PTPRT: variants seen among roughly 807,000 people sequenced by gnomAD.
PTPRT encodes the protein receptor-type tyrosine-protein phosphatase T.
PTPRT carries 56 observed loss-of-function variants against 176.8 expected under a neutral mutation model. The ratio of observed to expected loss-of-function variants is 0.32; its 90% confidence interval spans 0.26 to 0.40. PTPRT has a LOEUF of 0.40. Ranked by LOEUF, PTPRT falls within the 10% of genes least tolerant of loss-of-function variation. The probability of loss-of-function intolerance (pLI) is 1.00; values close to 1 mark genes in which losing one functional copy is unlikely to be tolerated. For synonymous variants in PTPRT, 783 were observed against 739.0 expected, an observed-to-expected ratio of 1.06 and a Z score of -0.96; for missense variants, 1,540 against 1,908.2, an observed-to-expected ratio of 0.81 and a Z score of 3.60.
intron 16 of PTPRT, among the ~76,000 whole-genome samples, chr20:42,195,467 C>T (rs1055127688): frequency 6.6e-6 from 1 of 151,908 alleles, no homozygotes; most frequent in Non-Finnish European, 1.5e-5. Flanking sequence ...CCAGTGTAAG[C>T]ATTACTTACA....
chr20:43,073,242 A>G (rs1319697603), intron 1 of PTPRT, among the ~76,000 whole-genome samples: 2 of 152,250 alleles, frequency 1.3e-5, no homozygotes, highest in African/African-American at 4.8e-5. Context: ...TGTTAAATAT[A>G]CAATGGATGT....
At chr20:42,054,928 A>G in the PTPRT span, among the ~76,000 whole-genome samples, 119 of 152,264 alleles carry the variant, frequency 7.8e-4, no homozygotes, top group African/African-American at 2.8e-3. Context: ...CTGACCCCCT[A>G]CTGAGGCCAC....
the PTPRT span, among the ~76,000 whole-genome samples, chr20:42,046,778 A>AGTGAGTGTGT: frequency 6.6e-6 from 1 of 150,812 alleles, no homozygotes; most frequent in East Asian, 2.0e-4. Flanking sequence ...TTGTCATGTG[A>AGTGAGTGTGT]GTGTGTGTGT....
chr20:42,815,854 T>A lies in PTPRT; in HGVS notation c.215-24388A>T, dbSNP rs140427613. ...TCAAAAATTGTATACCCAGCAAAAC[T>A]ATCAAATAAATTAGACCCAGACATT... On this transcript the variant is annotated intron_variant, in intron 2 of 30. Transcript: ENST00000373187. Among the ~76,000 whole-genome samples, 205 of 152,320 alleles carry A rather than the reference T, an allele frequency of 1.3e-3. 2 individuals are homozygous for A. The highest frequency in any genetic ancestry group is 4.7e-3 in the African/African-American group (195 of 41,568).
intron 17 of PTPRT, among the ~76,000 whole-genome samples, chr20:42,147,632 C>T (rs1158027291): frequency 6.6e-6 from 1 of 152,244 alleles, no homozygotes; most frequent in Non-Finnish European, 1.5e-5. Flanking sequence ...AACACCATGC[C>T]TTCCAGGAGA....
intron 9 of PTPRT, among the ~76,000 whole-genome samples, chr20:42,397,298 T>C (rs1230740893): frequency 2.0e-5 from 3 of 152,242 alleles, no homozygotes; most frequent in Non-Finnish European, 1.5e-5. Context: ...GATATGTAAT[T>C]TTTTTGTCAA....
chr20:43,054,485 T>C (rs1204490989), intron 1 of PTPRT, among the ~76,000 whole-genome samples: 1 of 150,088 alleles, frequency 6.7e-6, no homozygotes, highest in East Asian at 2.0e-4. Context: ...GCCCAGAACG[T>C]CAAGGCGGCA....
At chr20:42,097,399 C>T (rs1399815372) in intron 27 of PTPRT, among the ~76,000 whole-genome samples, 1 of 152,210 alleles carries the variant, frequency 6.6e-6, no homozygotes, top group Non-Finnish European at 1.5e-5. Context: ...GCCTGAAATG[C>T]CTTTTCCCAG....
At chr20:42,707,276 G>T (rs1012734877) in intron 6 of PTPRT, among the ~76,000 whole-genome samples, 6 of 152,110 alleles carry the variant, frequency 3.9e-5, no homozygotes, top group Non-Finnish European at 8.8e-5. Flanking sequence ...GTAGAATTCT[G>T]TTGGCTCTTA....
chr20:43,104,692 G>T (rs1220252259), intron 1 of PTPRT, among the ~76,000 whole-genome samples: 1 of 152,332 alleles, frequency 6.6e-6, no homozygotes, highest in Middle Eastern at 3.4e-3. Flanking sequence ...CAGTTGCACA[G>T]TGTCAGTGAG....
chr20:42,818,222 G>A (rs1036359480), intron 2 of PTPRT, among the ~76,000 whole-genome samples: 1 of 152,072 alleles, frequency 6.6e-6, no homozygotes, highest in Admixed American at 6.6e-5. Flanking sequence ...AGGCACAGGA[G>A]CAAATCAGAT....
At chr20:42,513,993 C>T (rs1048377553) in intron 7 of PTPRT, among the ~76,000 whole-genome samples, 1 of 151,990 alleles carries the variant, frequency 6.6e-6, no homozygotes, top group Non-Finnish European at 1.5e-5. Flanking sequence ...GTGTAGTAGC[C>T]CCATTGAGCG....
chr20:42,353,803 A>G (rs946189810), intron 9 of PTPRT, among the ~76,000 whole-genome samples: 1 of 152,176 alleles, frequency 6.6e-6, no homozygotes, highest in East Asian at 1.9e-4. Context: ...AATCCCAGCA[A>G]TTTAGGAGGC....
chr20:42,613,852 T>C (rs987423898), intron 7 of PTPRT, among the ~76,000 whole-genome samples: 2 of 152,148 alleles, frequency 1.3e-5, no homozygotes, highest in Non-Finnish European at 2.9e-5. Flanking sequence ...ATAATACTTT[T>C]AGAATGTGCT....
intron 15 of PTPRT, among the ~76,000 whole-genome samples, chr20:42,235,437 T>G (rs1380408142): frequency 1.3e-5 from 2 of 152,064 alleles, no homozygotes; most frequent in Non-Finnish European, 2.9e-5. Context: ...ATTTTTGTAT[T>G]TTTAGTAGAG....
intron 2 of PTPRT, among the ~76,000 whole-genome samples, chr20:42,830,046 G>A (rs893312872): frequency 2.0e-5 from 3 of 152,158 alleles, no homozygotes; most frequent in Admixed American, 6.5e-5. Flanking sequence ...CCTTCCTACC[G>A]AAACTATTCC....
the PTPRT span, among the ~76,000 whole-genome samples, chr20:42,060,167 A>C: frequency 5.9e-5 from 9 of 152,296 alleles, no homozygotes; most frequent in African/African-American, 1.7e-4. Flanking sequence ...ACAATTGTCC[A>C]AGTCATACAA....
chr20:42,394,020 A>T (rs930464587), intron 9 of PTPRT, among the ~76,000 whole-genome samples: 2 of 151,792 alleles, frequency 1.3e-5, no homozygotes, highest in Non-Finnish European at 2.9e-5. Context: ...AAATGCACAA[A>T]GTCTATGAAG....
chr20:42,639,363 G>C (rs1051388691), intron 7 of PTPRT, among the ~76,000 whole-genome samples: 1 of 151,934 alleles, frequency 6.6e-6, no homozygotes, highest in Non-Finnish European at 1.5e-5. Flanking sequence ...TGTTTTCCTC[G>C]TGGTAAAGTA....
Sources: allele counts gnomAD v4.1 joint callset (sites outside exome capture counted in the v4.1 genomes callset), GRCh38; gene constraint gnomAD v4.1.1; transcripts MANE v1.5; gene names NCBI Gene and HGNC (gene_info 2026-07-23, HGNC 2026-07-21).